SLC22A3: variants seen among roughly 807,000 people sequenced by gnomAD.
The protein encoded by SLC22A3 is EMT organic cation transporter 3.
Under a neutral mutation model 59.1 loss-of-function variants are expected in SLC22A3, and 51 were observed. The observed-to-expected ratio is 0.86, with a 90% CI of 0.69 to 1.09. The LOEUF is 1.09. Among genes scored for constraint, SLC22A3 ranks in the 50% least tolerant of loss-of-function variants. The pLI is 0.00. For missense variants in SLC22A3, 711 were observed against 726.3 expected, an observed-to-expected ratio of 0.98 and a Z score of 0.24; for synonymous variants, 325 against 292.0, an observed-to-expected ratio of 1.11 and a Z score of -1.15.
chr6:160,351,673 T>C (rs1193421912), intron 1 of SLC22A3, among the ~76,000 whole-genome samples: 1 of 152,228 alleles, frequency 6.6e-6, no homozygotes, highest in Non-Finnish European at 1.5e-5. Flanking sequence ...ACTTGAAGCC[T>C]AAGATACAAA....
chr6:160,440,942 T>G (rs531656288), intron 7 of SLC22A3, among the ~76,000 whole-genome samples: 2 of 152,290 alleles, frequency 1.3e-5, no homozygotes, highest in South Asian at 4.2e-4. Context: ...TAACCACATA[T>G]GTTTATCATG....
chr6:160,374,235 T>C (rs764165908), intron 1 of SLC22A3, among the ~76,000 whole-genome samples: 2 of 152,210 alleles, frequency 1.3e-5, no homozygotes, highest in African/African-American at 2.4e-5. Context: ...GGATGGTTTC[T>C]CAAGGCTTCT....
intron 5 of SLC22A3, among the ~76,000 whole-genome samples, chr6:160,428,777 A>G (rs553676700): frequency 6.6e-6 from 1 of 152,240 alleles, no homozygotes; most frequent in Non-Finnish European, 1.5e-5. Flanking sequence ...GATAATTTTA[A>G]TACAAATATT....
chr6:160,377,562 C>T (rs966456038), intron 1 of SLC22A3, among the ~76,000 whole-genome samples: 1 of 152,084 alleles, frequency 6.6e-6, no homozygotes, highest in Admixed American at 6.6e-5. Context: ...ATCCTATTGT[C>T]TTAAGGCTGG....
chr6:160,370,342 A>G (rs749636406), intron 1 of SLC22A3, among the ~76,000 whole-genome samples: 4 of 152,204 alleles, frequency 2.6e-5, no homozygotes, highest in Admixed American at 6.5e-5. Flanking sequence ...TCCCTCCTCA[A>G]GGACATCAAC....
intron 5 of SLC22A3, among the ~76,000 whole-genome samples, chr6:160,431,372 T>C (rs1000346690): frequency 1.3e-5 from 2 of 152,214 alleles, no homozygotes; most frequent in Non-Finnish European, 2.9e-5. Flanking sequence ...GGCCTTTGGA[T>C]GCCTAGAAAG....
At chr6:160,395,224 C>A (rs1217461993) in intron 1 of SLC22A3, among the ~76,000 whole-genome samples, 1 of 152,070 alleles carries the variant, frequency 6.6e-6, no homozygotes, top group African/African-American at 2.4e-5. Context: ...AGAAGATAAT[C>A]AGTATTATAT....
intron 7 of SLC22A3, among the ~76,000 whole-genome samples, chr6:160,438,394 C>T (rs1788426312): frequency 6.6e-6 from 1 of 152,110 alleles, no homozygotes; most frequent in Admixed American, 6.5e-5. Flanking sequence ...TCCTTTGTGT[C>T]TGCACAAAAA....
At chr6:160,432,305 G>A (rs185571299) in intron 5 of SLC22A3, among the ~76,000 whole-genome samples, 9 of 152,222 alleles carry the variant, frequency 5.9e-5, no homozygotes, top group East Asian at 3.9e-4. Context: ...TTGATGGTGC[G>A]GGAGAGTGTA....
At chr6:160,407,965 G>A (rs1422112150) in intron 3 of SLC22A3, among the ~76,000 whole-genome samples, 2 of 152,158 alleles carry the variant, frequency 1.3e-5, no homozygotes, top group African/African-American at 2.4e-5. Flanking sequence ...GGAGACCCCT[G>A]AAGACCTTTC....
At chr6:160,390,204 A>AT (rs1337354146) in intron 1 of SLC22A3, among the ~76,000 whole-genome samples, 1 of 152,134 alleles carries the variant, frequency 6.6e-6, no homozygotes, top group Non-Finnish European at 1.5e-5. Flanking sequence ...TGGCCTAAAA[A>AT]TCGGAGCCTG....
intron 1 of SLC22A3, among the ~76,000 whole-genome samples, chr6:160,371,382 T>C (rs1785392603): frequency 6.6e-6 from 1 of 152,100 alleles, no homozygotes; most frequent in Non-Finnish European, 1.5e-5. Context: ...CCTCCCTATG[T>C]CCATGTGTTC....
At chr6:160,393,389 T>G (rs533116851) in intron 1 of SLC22A3, among the ~76,000 whole-genome samples, 3 of 151,862 alleles carry the variant, frequency 2.0e-5, no homozygotes, top group Non-Finnish European at 4.4e-5. Context: ...GCTGCACCCA[T>G]TAACTCGTCA....
In SLC22A3 at chr6:160,348,478, G is replaced by T. The variant is rs749348807; in HGVS notation, c.59G>T (p.Arg20Leu). 2 of 1,550,182 alleles carry T rather than the reference G, an allele frequency of 1.3e-6. No individual in the cohort carries two copies. Among genetic ancestry groups the T allele is most frequent in the Admixed American group, 3.7e-5 (2 of 54,060 alleles). The stretch of plus-strand genomic sequence containing the variant: ...GGCGAGTTCGGGCGCTTCCAGAGGC[G>T]CGTGTTTTTGCTGCTGTGCCTGACG... ...RVGEFGRFQR[R>L]VFLLLCLTGV... The change falls in exon 1 of 11, where the codon CGC becomes CTC. Residue 20 changes from arginine (R) to leucine (L), a missense_variant. By Grantham distance (102) the Arg-to-Leu change is moderately radical (BLOSUM62 -2). Coordinates refer to ENST00000275300, the MANE Select transcript of SLC22A3 (RefSeq NM_021977.4).
intron 9 of SLC22A3, among the ~76,000 whole-genome samples, chr6:160,445,942 G>A (rs778777313): frequency 3.7e-4 from 56 of 152,210 alleles, no homozygotes; most frequent in Admixed American, 1.6e-3. Flanking sequence ...GGGATGAAGA[G>A]CTGGAAGCCA....
chr6:160,433,058 A>C (rs1046182417), intron 5 of SLC22A3, among the ~76,000 whole-genome samples: 1 of 152,230 alleles, frequency 6.6e-6, no homozygotes, highest in Non-Finnish European at 1.5e-5. Context: ...TTTTATTGGA[A>C]GCCATTTATG....
At chr6:160,427,222 G>T (rs187723772) in intron 5 of SLC22A3, among the ~76,000 whole-genome samples, 1 of 152,150 alleles carries the variant, frequency 6.6e-6, no homozygotes, top group Non-Finnish European at 1.5e-5. Context: ...CCAAGAAAAC[G>T]TGCAGGAAAT....
At chr6:160,441,212 G>A (rs371259142) in intron 7 of SLC22A3, among the ~76,000 whole-genome samples, 1 of 152,100 alleles carries the variant, frequency 6.6e-6, no homozygotes, top group East Asian at 1.9e-4. Flanking sequence ...GGGACCCAGG[G>A]AATCTGAGTC....
At chr6:160,366,918 C>G (rs1394032951) in intron 1 of SLC22A3, among the ~76,000 whole-genome samples, 1 of 152,114 alleles carries the variant, frequency 6.6e-6, no homozygotes, top group South Asian at 2.1e-4. Flanking sequence ...TTGAGCCCTC[C>G]AAGTCTCTAG....
Sources: gnomAD v4.1 joint callset for allele counts (sites outside exome capture counted in the v4.1 genomes callset) on GRCh38, gnomAD v4.1.1 for gene constraint, MANE v1.5 for transcripts, NCBI Gene and HGNC (gene_info 2026-07-23, HGNC 2026-07-21) for gene names.